ADGRD1: variants seen among roughly 807,000 people sequenced by gnomAD.
The protein encoded by ADGRD1 is adhesion G protein-coupled receptor D1, also known as G-protein coupled receptor 133.
In ADGRD1, 77 loss-of-function variants were observed where a neutral mutation model predicts 113.4. The observed-to-expected ratio is 0.68, with a 90% CI of 0.57 to 0.82. The LOEUF (loss-of-function observed/expected upper bound fraction) is 0.82. Among genes scored for constraint, ADGRD1 ranks in the 40% least tolerant of loss-of-function variants. The pLI, the probability that ADGRD1 is intolerant of heterozygous loss-of-function variation, is 0.00. For missense variants in ADGRD1, 1,036 were observed against 1,139.1 expected, an observed-to-expected ratio of 0.91 and a Z score of 1.30; for synonymous variants, 474 against 475.0, an observed-to-expected ratio of 1.00 and a Z score of 0.03.
At chr12:131,133,910 T>G (rs1951001769) in intron 21 of ADGRD1, among the ~76,000 whole-genome samples, 1 of 152,198 alleles carries the variant, frequency 6.6e-6, no homozygotes, top group African/African-American at 2.4e-5. Context: ...AGCCCAGTAC[T>G]CAGTGAATAA....
chr12:131,117,790 A>AGTCAG (rs1409456292), intron 18 of ADGRD1, among the ~76,000 whole-genome samples: 1 of 152,204 alleles, frequency 6.6e-6, no homozygotes, highest in African/African-American at 2.4e-5. Context: ...TGCATGGCAA[A>AGTCAG]GTCAGCCATG....
rs1439548287 is a variant in ADGRD1, at chr12:131,140,936, G to A, written c.*1673G>A. The stretch of plus-strand genomic sequence containing the variant: ...GGCACACCTGGCTGCTGCAGGCCAA[G>A]GCCGCTGTTCAGTGAAGAGTCCCAT... On this transcript the variant is annotated 3_prime_UTR_variant, in exon 25 of 25. Transcript: ENST00000261654. The A allele has an allele frequency of 6.6e-6, 1 of 152,298 alleles. No individual in the cohort carries two copies. The highest frequency in any genetic ancestry group is 1.5e-5 in the Non-Finnish European group (1 of 68,094). The allele number at this position is 152,298 out of a possible 1,614,324, so 9.4% of individuals were successfully genotyped here.
chr12:131,133,241 C>T (rs1267296720), intron 21 of ADGRD1, among the ~76,000 whole-genome samples: 2 of 152,120 alleles, frequency 1.3e-5, no homozygotes, highest in African/African-American at 4.8e-5. Flanking sequence ...AGCTTGTCTC[C>T]AGCAAAAGCT....
Position 131,004,185 on chromosome 12 carries a change from G to A in ADGRD1, c.1145-1G>A. 1 of 1,607,046 alleles carries A rather than the reference G, an allele frequency of 6.2e-7. No individual in the cohort carries two copies. The highest frequency in any genetic ancestry group is 8.5e-7 in the Non-Finnish European group (1 of 1,173,686). ...CCGCTCTCTCGCTCCTTCCACCGCA[G>A]AGTTTTCCGTGGCCAAAATCCTGCC... On this transcript the variant is annotated splice_acceptor_variant, in intron 10 of 24. Coordinates refer to ENST00000261654, the MANE Select transcript of ADGRD1 (RefSeq NM_198827.5). LOFTEE classifies it high-confidence loss of function.
intron 20 of ADGRD1, among the ~76,000 whole-genome samples, chr12:131,127,343 C>G (rs1033614540): frequency 1.3e-5 from 2 of 152,234 alleles, no homozygotes; most frequent in African/African-American, 2.4e-5. Flanking sequence ...GTGGCCTTGT[C>G]AGAAAAGTCT....
chr12:131,050,960 G>C lies in ADGRD1; in HGVS notation c.1474-25841G>C, dbSNP rs1400978999. On this transcript the variant is annotated intron_variant, in intron 13 of 24. Coordinates refer to ENST00000261654, the MANE Select transcript of ADGRD1 (RefSeq NM_198827.5). The surrounding 1 kb of genome is among the most constrained non-coding windows in gnomAD (Gnocchi z 4.8). ...CACCGCTCTGTGTGCTGTGTGCCCG[G>C]TTCCTAACAGGCCACGGGCTGGTCC... 6.6e-6 allele frequency among the ~76,000 whole-genome samples: 1 copy of C among 152,186 alleles called. No homozygotes were observed. Among genetic ancestry groups the C allele is most frequent in the Non-Finnish European group, 1.5e-5 (1 of 68,026 alleles).
Position 131,003,087 on chromosome 12 carries a change from A to G in ADGRD1, c.1027-98A>G. ...GTGACTTCTTCCTCCCTCGTGGCCA[A>G]CGTGGGGAAACTTGATTTTGTGTGC... On this transcript the variant is annotated intron_variant, in intron 9 of 24. Transcript: ENST00000261654. The surrounding 1 kb of genome is among the most constrained non-coding windows in gnomAD (Gnocchi z 4.8). 1 of 973,616 alleles carries G rather than the reference A, an allele frequency of 1.0e-6. No individual in the cohort carries two copies. The highest frequency in any genetic ancestry group is 1.7e-6 in the Non-Finnish European group (1 of 606,008). The allele number at this position is 973,616 out of a possible 1,614,324, so 60.3% of individuals were successfully genotyped here.
chr12:130,983,425 G>A (rs1048722567), intron 5 of ADGRD1, among the ~76,000 whole-genome samples: 7 of 152,020 alleles, frequency 4.6e-5, no homozygotes, highest in African/African-American at 1.7e-4. Context: ...AACCTTTTCC[G>A]TGACCTTCCT....
chr12:130,991,615 A>G (rs891145764), intron 7 of ADGRD1, among the ~76,000 whole-genome samples: 2 of 152,104 alleles, frequency 1.3e-5, no homozygotes, highest in African/African-American at 4.8e-5. Flanking sequence ...CTTATTTTGT[A>G]AGGTTGTTGT....
chr12:131,060,675 CT>C lies in ADGRD1; in HGVS notation c.1474-16125del, dbSNP rs1566074181. Among the ~76,000 whole-genome samples, 1 of 152,330 alleles carries C rather than the reference CT, an allele frequency of 6.6e-6. No homozygotes were observed. Among genetic ancestry groups the C allele is most frequent in the East Asian group, 1.9e-4 (1 of 5,182 alleles). ...CCAACAACATCAGAGTCAGTTACCC[CT>C]GCCTGTGACACCTGATGGTTCTGTG... On this transcript the variant is annotated intron_variant, in intron 13 of 24. Transcript: ENST00000261654. The surrounding 1 kb of genome is among the most constrained non-coding windows in gnomAD (Gnocchi z 4.4).
intron 15 of ADGRD1, among the ~76,000 whole-genome samples, chr12:131,095,462 C>T (rs1487432241): frequency 3.3e-5 from 5 of 152,230 alleles, no homozygotes; most frequent in Admixed American, 6.5e-5. Flanking sequence ...GGGCTGGAGC[C>T]GCTCTGCAGA....
intron 12 of ADGRD1, among the ~76,000 whole-genome samples, chr12:131,006,700 G>A (rs1472273209): frequency 4.6e-5 from 7 of 151,948 alleles, no homozygotes; most frequent in Admixed American, 1.3e-4. Context: ...GGGAGGATGA[G>A]GGAAATGAGG....
At chr12:131,117,972 G>A (rs1950507859) in intron 18 of ADGRD1, among the ~76,000 whole-genome samples, 2 of 152,200 alleles carry the variant, frequency 1.3e-5, no homozygotes, top group South Asian at 2.1e-4. Context: ...ATTCCATCCC[G>A]TTATGACAAC....
At position 131,060,647 on chromosome 12, in the gene ADGRD1, T is replaced by C. The variant is rs541683806; in HGVS notation, c.1474-16154T>C. On this transcript the variant is annotated intron_variant, in intron 13 of 24. Coordinates refer to ENST00000261654, the MANE Select transcript of ADGRD1 (RefSeq NM_198827.5). This position sits in a 1 kb window ranked among gnomAD's most constrained non-coding sequence, Gnocchi z 4.4. ...GAGTTGGATTCTGATTCTTACTCTT[T>C]GTCCAACAACATCAGAGTCAGTTAC... Among the ~76,000 whole-genome samples the C allele has an allele frequency of 3.2e-4, 48 of 152,328 alleles. No homozygotes were observed. Among genetic ancestry groups the C allele is most frequent in the Admixed American group, 1.1e-3 (17 of 15,306 alleles).
At chr12:131,068,454 T>C (rs1164844899) in intron 13 of ADGRD1, among the ~76,000 whole-genome samples, 2 of 152,150 alleles carry the variant, frequency 1.3e-5, no homozygotes, top group Non-Finnish European at 2.9e-5. Flanking sequence ...GGGATGAGCT[T>C]GGCCACTCCA....
At chr12:130,973,301 C>T (rs998988859) in intron 4 of ADGRD1, 1 of 152,248 alleles carries the variant, frequency 6.6e-6, no homozygotes, top group Non-Finnish European at 1.5e-5. Flanking sequence ...TCTTGGGCAA[C>T]CACTGCTTCC....
chr12:131,115,511 C>G (rs904841453), intron 18 of ADGRD1, among the ~76,000 whole-genome samples: 3 of 151,998 alleles, frequency 2.0e-5, no homozygotes, highest in Non-Finnish European at 4.4e-5. Flanking sequence ...TGCCCATGCG[C>G]CCATCCTCCC....
chr12:131,013,099 C>T (rs1490710662), intron 12 of ADGRD1, among the ~76,000 whole-genome samples: 2 of 152,194 alleles, frequency 1.3e-5, no homozygotes, highest in African/African-American at 2.4e-5. Context: ...CAATCTTGCC[C>T]TTCAGGTACC....
intron 12 of ADGRD1, among the ~76,000 whole-genome samples, chr12:131,007,835 G>T (rs1233304315): frequency 6.6e-6 from 1 of 152,258 alleles, no homozygotes; most frequent in African/African-American, 2.4e-5. Flanking sequence ...CTCAGGTGAA[G>T]CTCTCTTCAG....
Sources: allele counts gnomAD v4.1 joint callset (sites outside exome capture counted in the v4.1 genomes callset), GRCh38; gene constraint gnomAD v4.1.1; non-coding constraint Gnocchi (gnomAD v3.1); transcripts MANE v1.5; gene names NCBI Gene and HGNC (gene_info 2026-07-23, HGNC 2026-07-21).